The following RAD17 variants were observed in gnomAD, a reference collection of about 807,000 sequenced individuals.
The protein encoded by RAD17 is cell cycle checkpoint protein RAD17.
A neutral mutation model predicts 81.5 loss-of-function variants in RAD17; 31 were observed. The ratio of observed to expected loss-of-function variants is 0.38; its 90% CI spans 0.29 to 0.51. RAD17 has a LOEUF of 0.51. Ranked by LOEUF, RAD17 falls within the 20% of genes least tolerant of loss-of-function variation. The pLI is 0.88. For missense variants in RAD17, 681 were observed against 781.2 expected (o/e 0.87, Z 1.53); for synonymous variants, 261 against 266.2 (o/e 0.98, Z 0.19).
At chr5:69,388,745 T>C (rs978806430) in intron 11 of RAD17, among the ~76,000 whole-genome samples, 1 of 152,142 alleles carries the variant, frequency 6.6e-6, no homozygotes, top group Middle Eastern at 3.2e-3. Context: ...TAGCAGGGAC[T>C]ACAGGCGCAT....
At chr5:69,383,464 C>T (rs975483717) in intron 7 of RAD17, among the ~76,000 whole-genome samples, 5 of 151,684 alleles carry the variant, frequency 3.3e-5, no homozygotes, top group Admixed American at 6.6e-5. Context: ...CTGCAAGCTC[C>T]GCCTCCTGGG....
In RAD17 at chr5:69,414,415, TGTA is replaced by T; in HGVS notation, c.*127_*129del. ...CAACAGTTTGTTAATTCTTCATTCT[TGTA>T]GTATTTCATCACAAGAAACCTACTC... On this transcript the variant is annotated 3_prime_UTR_variant, in exon 19 of 19. Transcript: ENST00000354868. The T allele has an allele frequency of 8.7e-7, 1 of 1,147,742 alleles. No individual in the cohort carries two copies. Among genetic ancestry groups the T allele is most frequent in the South Asian group, 1.6e-5 (1 of 63,888 alleles). The allele number at this position is 1,147,742 out of a possible 1,614,324, so 71.1% of individuals were successfully genotyped here. A position where few individuals can be genotyped will look rare whatever the true frequency, so the allele number is the denominator to read the frequency against.
At chr5:69,394,598 T>TTTAA (rs17236464) in intron 15 of RAD17, among the ~76,000 whole-genome samples, 129,649 of 151,822 alleles carry the variant, frequency 0.85, 56,614 homozygotes, top group Non-Finnish European at 0.95. Context: ...TACATTTAAA[T>TTTAA]TTAAAAATTC....
At chr5:69,373,716 T>TTA in intron 4 of RAD17, 114 bp from the exon 5 acceptor site, 1 of 164,948 alleles carries the variant, frequency 6.1e-6, no homozygotes, top group South Asian at 1.0e-4. Flanking sequence ...TTTTTTTTTT[T>TTA]AAGTTTTAAA....
At chr5:69,411,826 G>A (rs1766023495) in intron 18 of RAD17, among the ~76,000 whole-genome samples, 1 of 152,144 alleles carries the variant, frequency 6.6e-6, no homozygotes, top group Admixed American at 6.6e-5. Flanking sequence ...AGACAAGTAT[G>A]TTCTATTGTA....
rs527880659 is a variant in RAD17, at chr5:69,384,609, C to CCTGG, written c.509-185_509-182dup. Among the ~76,000 whole-genome samples, 440 of 152,278 alleles carry CCTGG rather than the reference C, an allele frequency of 2.9e-3. 1 individual carries two copies. Among genetic ancestry groups the CCTGG allele is most frequent in the African/African-American group, 0.01 (427 of 41,552 alleles). ...GGGATTACAGGCGTGAGCCACTGTG[C>CCTGG]CTGGCTACATGTTGACTCTTGTCCT... On this transcript the variant is annotated intron_variant, in intron 7 of 18. Coordinates refer to ENST00000354868, the MANE Select transcript of RAD17 (RefSeq NM_133338.3).
At chr5:69,369,469 G>A (rs1163925967), upstream of RAD17, 1 of 1,611,268 alleles carries the variant, frequency 6.2e-7, no homozygotes, top group Non-Finnish European at 8.5e-7. Flanking sequence ...TGACCGGTGA[G>A]CAGGATGTTC....
Position 69,387,271 on chromosome 5 carries a change from G to A in RAD17, c.894+806G>A, listed in dbSNP as rs182540206. Among the ~76,000 whole-genome samples the A allele has an allele frequency of 3.2e-4, 49 of 151,936 alleles. 1 individual carries two copies. The highest frequency in any genetic ancestry group is 3.0e-3 in the Admixed American group (46 of 15,224). On this transcript the variant is annotated intron_variant, in intron 11 of 18. Coordinates refer to ENST00000354868, the MANE Select transcript of RAD17 (RefSeq NM_133338.3). The stretch of plus-strand genomic sequence containing the variant: ...TTTTTTCTGTATTTCAAATCAAGAT[G>A]ATGTTAAAAAAAAATTGATGGACCT...
Position 69,414,228 on chromosome 5 carries a change from T to A in RAD17, c.1949T>A (p.Phe650Tyr). 6.2e-7 allele frequency: 1 copy of A among 1,614,184 alleles called. No individual in the cohort carries two copies. Among genetic ancestry groups the A allele is most frequent in the Non-Finnish European group, 8.5e-7 (1 of 1,180,008 alleles). ...SELPASQPQPFSAQGDMEENI... is the reference protein window; with the variant it reads ...SELPASQPQPYSAQGDMEENI... The stretch of plus-strand genomic sequence containing the variant: ...CTGCCTGCTAGCCAGCCCCAGCCCT[T>A]TTCAGCCCAAGGAGACATGGAAGAA... Residue 650 changes from phenylalanine (F) to tyrosine (Y), a missense_variant, in exon 19 of 19, where the codon TTT becomes TAT. Physicochemically the swap from Phe to Tyr is conservative, Grantham distance 22 (BLOSUM62 3). Coordinates refer to ENST00000354868, the MANE Select transcript of RAD17 (RefSeq NM_133338.3).
At chr5:69,379,202 C>T (rs1763694797) in intron 6 of RAD17, among the ~76,000 whole-genome samples, 1 of 152,004 alleles carries the variant, frequency 6.6e-6, no homozygotes, top group Non-Finnish European at 1.5e-5. Flanking sequence ...TGCCACTGTG[C>T]CCCAGCCTGG....
At chr5:69,391,024 G>A (rs1462430534) in intron 12 of RAD17, among the ~76,000 whole-genome samples, 1 of 151,600 alleles carries the variant, frequency 6.6e-6, no homozygotes, top group Non-Finnish European at 1.5e-5. Flanking sequence ...AATTTGTGTG[G>A]TTGGGAGGTT....
chr5:69,369,821 C>T lies in RAD17; in HGVS notation c.-529C>T, dbSNP rs868812652. ...TCTGGAAGGTCCCCGGGAGGCCGTA[C>T]CTCCGAGAGGCTCGGCGTTGAGCCC... On this transcript the variant is annotated 5_prime_UTR_variant, in exon 1 of 19. Transcript: ENST00000354868. 80 of 1,043,756 alleles carry T rather than the reference C, an allele frequency of 7.7e-5. No homozygotes were observed. In the Middle Eastern group the frequency reaches 7.1e-3, roughly 92 times the overall value. The allele number at this position is 1,043,756 out of a possible 1,614,324, so 64.7% of individuals were successfully genotyped here. A position where few individuals can be genotyped will look rare whatever the true frequency, so the allele number is the denominator to read the frequency against.
At chr5:69,393,327 T>TA (rs1450696825) in intron 14 of RAD17, 27 bp from the exon 15 acceptor site, 2 of 1,580,896 alleles carry the variant, frequency 1.3e-6, no homozygotes, top group Non-Finnish European at 8.6e-7. Context: ...TTTTACCAAA[T>TA]TTATGTATAT....
rs1763429506 is a variant in RAD17, at chr5:69,377,452, T to TATATAC, written c.351+2746_351+2747insCATATA. 2.7e-3 allele frequency among the ~76,000 whole-genome samples: 139 copies of TATATAC among 52,098 alleles called. 6 individuals are homozygous for TATATAC. Among genetic ancestry groups the TATATAC allele is most frequent in the Non-Finnish European group, 4.3e-3 (108 of 25,386 alleles). The allele number at this position is 52,098 out of a possible 152,430, so 34.2% of individuals were successfully genotyped here. On this transcript the variant is annotated intron_variant, in intron 6 of 18. Transcript: ENST00000354868. ...GTGTGTGTGTGTGTATATATATATA[T>TATATAC]ATATATATATATATATATATATACA...
rs3756400 is a variant in RAD17, at chr5:69,369,909, T to C, written c.-441T>C. The C allele has an allele frequency of 0.9, 520,263 of 575,042 alleles. 237,698 individuals are homozygous for C. The highest frequency in any genetic ancestry group is 0.95 in the Non-Finnish European group (309,391 of 326,150). 35.6% of individuals were successfully genotyped at this position (575,042 alleles called of 1,614,324 possible). ...TCCCTGGTCGCCTCCGCTCTTCGCC[T>C]AAAAGGGGATGCAGCTCCGGGAAAG... is the stretch of plus-strand genomic sequence containing the variant. On this transcript the variant is annotated 5_prime_UTR_variant, in exon 1 of 19. Transcript: ENST00000354868.
chr5:69,393,404 T>C lies in RAD17; in HGVS notation c.1326T>C (p.Leu442=). 1 of 1,603,006 alleles carries C rather than the reference T, an allele frequency of 6.2e-7. No individual in the cohort carries two copies. Among genetic ancestry groups the C allele is most frequent in the Non-Finnish European group, 8.5e-7 (1 of 1,173,478 alleles). ...HMPGDLFNLY[L]HQNYIDFFME... ...CTGGAGACTTATTTAATTTATATCT[T>C]CACCAAAACTACATAGATTTCTTCA... The change falls in exon 15 of 19, where the codon CTT becomes CTC. Residue 442 remains leucine, a synonymous_variant. Coordinates refer to ENST00000354868, the MANE Select transcript of RAD17 (RefSeq NM_133338.3).
In RAD17 at chr5:69,377,306, G is replaced by A. The variant is rs191828331; in HGVS notation, c.351+2595G>A. On this transcript the variant is annotated intron_variant, in intron 6 of 18. Coordinates refer to ENST00000354868, the MANE Select transcript of RAD17 (RefSeq NM_133338.3). ...CTTAGCTAATAGTTTTTATTTTTCA[G>A]TGTCCATTGTGTTTTCTCACTTAGC... 1.6e-3 allele frequency among the ~76,000 whole-genome samples: 235 copies of A among 150,306 alleles called. 1 individual carries two copies. Among genetic ancestry groups the A allele is most frequent in the African/African-American group, 5.6e-3 (228 of 40,862 alleles).
At position 69,393,360 on chromosome 5, in the gene RAD17, G is replaced by A. The variant is rs1222404125; in HGVS notation, c.1282G>A (p.Val428Ile). The change falls in exon 15 of 19, where the codon GTA (valine) becomes ATA (isoleucine). Residue 428 changes from valine to isoleucine, a missense_variant. Physicochemically the swap from Val to Ile is conservative, Grantham distance 29 (BLOSUM62 3). Transcript: ENST00000354868. ...TATATGCTTCTTTTTATAGGAGGTAGTAGAAATGTCACACATGCCTGGAGA... is the reference window on the plus strand; with the variant it reads ...TATATGCTTCTTTTTATAGGAGGTAATAGAAATGTCACACATGCCTGGAGA... ...DTLLVEPEEV[V>I]EMSHMPGDLF... 6.3e-7 allele frequency: 1 copy of A among 1,591,406 alleles called. No homozygotes were observed. The highest frequency in any genetic ancestry group is 8.6e-7 in the Non-Finnish European group (1 of 1,168,432).
chr5:69,405,220 T>C (rs1765514842), intron 17 of RAD17, among the ~76,000 whole-genome samples: 2 of 151,912 alleles, frequency 1.3e-5, no homozygotes, highest in African/African-American at 4.8e-5. Context: ...AAACTGAAAA[T>C]AGGCCGGGCG....
Sources: gnomAD v4.1 joint callset for allele counts (sites outside exome capture counted in the v4.1 genomes callset) on GRCh38, gnomAD v4.1.1 for gene constraint, MANE v1.5 for transcripts, NCBI Gene and HGNC (gene_info 2026-07-23, HGNC 2026-07-21) for gene names.